Variants in NRG1 observed in about 807,000 individuals in gnomAD.
The protein encoded by NRG1 is pro-neuregulin-1, membrane-bound isoform.
A neutral mutation model predicts 63.8 loss-of-function variants in NRG1; 18 were observed. That is an observed-to-expected ratio of 0.28 (90% CI 0.19 to 0.42). The LOEUF (loss-of-function observed/expected upper bound fraction) is 0.42. Ranked by LOEUF, NRG1 falls within the 10% of genes least tolerant of loss-of-function variation. The probability of loss-of-function intolerance (pLI) is 1.00; values close to 1 mark genes in which losing one functional copy is unlikely to be tolerated. For synonymous variants in NRG1, 302 were observed against 301.3 expected, an observed-to-expected ratio of 1.00 and a Z score of -0.02; for missense variants, 762 against 814.7, an observed-to-expected ratio of 0.94 and a Z score of 0.79.
intron 1 of NRG1, among the ~76,000 whole-genome samples, chr8:32,064,581 A>G (rs1288933695): frequency 1.3e-5 from 2 of 152,172 alleles, no homozygotes; most frequent in Non-Finnish European, 1.5e-5. Flanking sequence ...GCTAAAGTCT[A>G]TTATTAACAG....
At chr8:31,805,263 G>T (rs753207119) in intron 1 of NRG1, among the ~76,000 whole-genome samples, 2 of 151,758 alleles carry the variant, frequency 1.3e-5, no homozygotes, top group Non-Finnish European at 2.9e-5. Context: ...TCTTATTTGT[G>T]CTTTAAATTA....
chr8:32,302,728 T>A (rs146854748), intron 1 of NRG1, among the ~76,000 whole-genome samples: 6,867 of 142,184 alleles, frequency 0.048, 501 homozygotes, highest in African/African-American at 0.16. Context: ...GTGGTTTTAT[T>A]TTTATTGTGT....
intron 5 of NRG1, among the ~76,000 whole-genome samples, chr8:32,680,836 C>T (rs1490833638): frequency 3.3e-5 from 5 of 151,958 alleles, no homozygotes; most frequent in African/African-American, 9.7e-5. Flanking sequence ...CTTTGTACCC[C>T]AAGCATCCAG....
chr8:32,539,332 G>A (rs1035078114), intron 1 of NRG1, among the ~76,000 whole-genome samples: 2 of 152,112 alleles, frequency 1.3e-5, no homozygotes, highest in East Asian at 1.9e-4. Flanking sequence ...TGAAACTGAC[G>A]CTGCATAAGA....
intron 1 of NRG1, among the ~76,000 whole-genome samples, chr8:32,387,320 G>A (rs997313427): frequency 1.3e-5 from 2 of 152,204 alleles, no homozygotes; most frequent in African/African-American, 4.8e-5. Context: ...ATGAGAAAGA[G>A]CTAATGGTAG....
chr8:31,685,120 G>A (rs961427048), intron 1 of NRG1, among the ~76,000 whole-genome samples: 28 of 152,120 alleles, frequency 1.8e-4, no homozygotes, highest in African/African-American at 6.0e-4. Context: ...TATTAAAAAT[G>A]TAGTCGATGC....
At chr8:32,184,433 A>G (rs1451839815) in intron 1 of NRG1, among the ~76,000 whole-genome samples, 2 of 152,166 alleles carry the variant, frequency 1.3e-5, no homozygotes, top group Non-Finnish European at 2.9e-5. Flanking sequence ...TATACCCCGA[A>G]TACATTCTCA....
At chr8:32,079,723 C>T (rs1361935745) in intron 1 of NRG1, among the ~76,000 whole-genome samples, 2 of 151,836 alleles carry the variant, frequency 1.3e-5, no homozygotes, top group African/African-American at 2.4e-5. Context: ...TTTTTTTTTC[C>T]TTCAATTGCA....
intron 1 of NRG1, among the ~76,000 whole-genome samples, chr8:32,045,817 C>T (rs1341167797): frequency 6.6e-6 from 1 of 151,732 alleles, no homozygotes; most frequent in African/African-American, 2.4e-5. Context: ...CAAAATGGAT[C>T]GTAGATTTAA....
intron 1 of NRG1, among the ~76,000 whole-genome samples, chr8:32,394,476 T>A (rs1282149782): frequency 6.6e-6 from 1 of 152,206 alleles, no homozygotes; most frequent in Admixed American, 6.5e-5. Context: ...ATTTTGCAAG[T>A]CCCTTGAGAT....
chr8:32,081,345 T>G (rs1309899736), intron 1 of NRG1, among the ~76,000 whole-genome samples: 1 of 152,178 alleles, frequency 6.6e-6, no homozygotes, highest in South Asian at 2.1e-4. Context: ...CCCTAGAATT[T>G]TTTTGTTTCC....
In NRG1 at chr8:32,286,737, G is replaced by A. The variant is rs780237500; in HGVS notation, c.38-309091G>A. Among the ~76,000 whole-genome samples the A allele has an allele frequency of 7.9e-5, 12 of 152,236 alleles. No individual in the cohort carries two copies. The East Asian group carries it at 9.7e-4, about 12-fold the overall frequency. ...TTCCTGGCCGGGCACGGTGGCTCAC[G>A]CCTGTAATCCTAACACTTAGAGGCC... On this transcript the variant is annotated intron_variant, in intron 1 of 10. Coordinates refer to the NRG1 transcript ENST00000519301.
chr8:32,577,573 T>C (rs139801703), intron 1 of NRG1, among the ~76,000 whole-genome samples: 35 of 152,288 alleles, frequency 2.3e-4, no homozygotes, highest in African/African-American at 7.9e-4. Flanking sequence ...AATTCAAAAC[T>C]TACGAAACTA....
chr8:32,277,171 G>A (rs1368417223), intron 1 of NRG1, among the ~76,000 whole-genome samples: 7 of 152,302 alleles, frequency 4.6e-5, no homozygotes, highest in African/African-American at 1.7e-4. Context: ...CAGAGGAAAT[G>A]TTTTTATCTA....
chr8:32,363,905 A>G (rs1220883167), intron 1 of NRG1, among the ~76,000 whole-genome samples: 1 of 152,042 alleles, frequency 6.6e-6, no homozygotes, highest in Non-Finnish European at 1.5e-5. Context: ...GAACTTTTCT[A>G]TATTTTGATC....
intron 1 of NRG1, among the ~76,000 whole-genome samples, chr8:31,705,493 T>A (rs143345076): frequency 6.6e-6 from 1 of 152,186 alleles, no homozygotes; most frequent in Admixed American, 6.5e-5. Flanking sequence ...AGGATGAAAG[T>A]TGGAAAATAA....
Position 31,878,813 on chromosome 8 carries a change from G to A in NRG1, c.37+239382G>A, listed in dbSNP as rs113611475. Among the ~76,000 whole-genome samples the A allele has an allele frequency of 5.3e-3, 812 of 152,174 alleles. 5 individuals are homozygous for A. Among genetic ancestry groups the A allele is most frequent in the Non-Finnish European group, 9.0e-3 (611 of 68,008 alleles). On this transcript the variant is annotated intron_variant, in intron 1 of 10. Coordinates refer to the NRG1 transcript ENST00000519301. ...TAAAGGCTTCGCTTACTTCCTCACC[G>A]TGCAGCTCTCTTCAGTATGGCCACT...
chr8:32,438,137 A>T (rs1819022586), intron 1 of NRG1, among the ~76,000 whole-genome samples: 1 of 152,160 alleles, frequency 6.6e-6, no homozygotes, highest in South Asian at 2.1e-4. Context: ...GAACATTTTC[A>T]TCCAGGCATC....
intron 1 of NRG1, among the ~76,000 whole-genome samples, chr8:31,648,168 C>G (rs1804478921): frequency 1.8e-5 from 2 of 109,626 alleles, no homozygotes; most frequent in Admixed American, 1.3e-4. Context: ...GAGTTTCGCT[C>G]TGTCGCCCAG....
Sources: allele counts gnomAD v4.1 joint callset (sites outside exome capture counted in the v4.1 genomes callset), GRCh38; gene constraint gnomAD v4.1.1; transcripts MANE v1.5; gene names NCBI Gene and HGNC (gene_info 2026-07-23, HGNC 2026-07-21).